CYB5R3: variants seen among roughly 807,000 people sequenced by gnomAD.
The protein encoded by CYB5R3 is cytochrome b5 reductase 3.
In CYB5R3, 28 loss-of-function variants were observed where a neutral mutation model predicts 36.5. The observed-to-expected ratio is 0.77, with a 90% CI of 0.57 to 1.05. The LOEUF is 1.05. Among genes scored for constraint, CYB5R3 ranks in the 50% least tolerant of loss-of-function variants. CYB5R3 has a pLI of 0.00. For missense variants in CYB5R3, 474 were observed against 408.9 expected (o/e 1.16, Z -1.37); for synonymous variants, 181 against 159.8 (o/e 1.13, Z -1.00).
Position 42,618,554 on chromosome 22 carries a change from A to AAC in CYB5R3, c.*1218_*1219insGT, listed in dbSNP as rs1927759952. The AAC allele has an allele frequency of 6.7e-6, 1 of 149,840 alleles. No individual in the cohort carries two copies. Among genetic ancestry groups the AAC allele is most frequent in the African/African-American group, 2.5e-5 (1 of 40,650 alleles). The allele number at this position is 149,840 out of a possible 1,614,324, so 9.3% of individuals were successfully genotyped here. ...TCCGTCTCAAAAAAAAAAAAAAAAAAATACAAAAACTAGCTGGGTGTGGTG... is the reference window on the plus strand; with the variant it reads ...TCCGTCTCAAAAAAAAAAAAAAAAAAACATACAAAAACTAGCTGGGTGTGGTG... On this transcript the variant is annotated 3_prime_UTR_variant, in exon 9 of 9. Coordinates refer to ENST00000352397, the MANE Select transcript of CYB5R3 (RefSeq NM_000398.7).
chr22:42,633,813 G>C (rs1411977321), intron 2 of CYB5R3, among the ~76,000 whole-genome samples: 1 of 152,020 alleles, frequency 6.6e-6, no homozygotes, highest in African/African-American at 2.4e-5. Context: ...GACAGTAACA[G>C]AGCCAGGCAT....
chr22:42,640,981 C>T (rs1277713027), intron 1 of CYB5R3, among the ~76,000 whole-genome samples: 3 of 151,960 alleles, frequency 2.0e-5, no homozygotes, highest in African/African-American at 4.8e-5. Context: ...CTCAGCCTCC[C>T]GAGTAGCTGG....
intron 1 of CYB5R3, among the ~76,000 whole-genome samples, chr22:42,641,368 G>C (rs542230222): frequency 6.7e-6 from 1 of 150,092 alleles, no homozygotes. Flanking sequence ...ATGCAGTGGC[G>C]CGATCTTGTC....
At chr22:42,628,780 C>T (rs922831762) in intron 4 of CYB5R3, among the ~76,000 whole-genome samples, 5 of 152,142 alleles carry the variant, frequency 3.3e-5, no homozygotes, top group Non-Finnish European at 4.4e-5. Flanking sequence ...GGCCTCAATC[C>T]GACACCTACA....
chr22:42,628,865 T>C (rs11704825), intron 4 of CYB5R3, among the ~76,000 whole-genome samples: 2,624 of 152,008 alleles, frequency 0.017, 38 homozygotes, highest in South Asian at 0.027. Flanking sequence ...GGAAGGTGGC[T>C]GGGGGAGGGA....
In CYB5R3 at chr22:42,627,250, G is replaced by A. The variant is rs558753621; in HGVS notation, c.633+54C>T. On this transcript the variant is annotated intron_variant, in intron 7 of 8. Coordinates refer to ENST00000352397, the MANE Select transcript of CYB5R3 (RefSeq NM_000398.7). ...CCTGGAACAGCACCTGACCAGGCCC[G>A]AAGTCCCCTCTCAGGGTAAGCTGAG... 54 of 1,487,224 alleles carry A rather than the reference G, an allele frequency of 3.6e-5. No individual in the cohort carries two copies. In the East Asian group the frequency reaches 5.3e-4, roughly 15 times the overall value. 92.1% of individuals were successfully genotyped at this position (1,487,224 alleles called of 1,614,324 possible). A position where few individuals can be genotyped will look rare whatever the true frequency, so the allele number is the denominator to read the frequency against.
chr22:42,631,384 G>C lies in CYB5R3; in HGVS notation c.220C>G (p.Pro74Ala). 3 of 1,551,554 alleles carry C rather than the reference G, an allele frequency of 1.9e-6. No individual in the cohort carries two copies. The highest frequency in any genetic ancestry group is 3.9e-5 in the Admixed American group (2 of 50,994). The change falls in exon 3 of 9, where the codon CCT (proline) becomes GCT (alanine). Residue 74 changes from proline to alanine, a missense_variant. Physicochemically the swap from Pro to Ala is conservative, Grantham distance 27 (BLOSUM62 -1). Coordinates refer to ENST00000352397, the MANE Select transcript of CYB5R3 (RefSeq NM_000398.7). The stretch of plus-strand genomic sequence containing the variant: ...CAGCAGGGGCGTGACTCACCGACAG[G>C]GAGGCCCAGGATGTGCTGGGGTGAC... ...LPSPQHILGL[P>A]VGQHIYLSAR...
intron 1 of CYB5R3, among the ~76,000 whole-genome samples, chr22:42,638,252 C>G (rs968912631): frequency 6.6e-6 from 1 of 151,530 alleles, no homozygotes; most frequent in Non-Finnish European, 1.5e-5. Context: ...AAAAATTAGC[C>G]GGGCGTGGTG....
At chr22:42,641,567 C>T (rs1929274890) in intron 1 of CYB5R3, among the ~76,000 whole-genome samples, 1 of 152,104 alleles carries the variant, frequency 6.6e-6, no homozygotes, top group African/African-American at 2.4e-5. Context: ...CTCACAGCAA[C>T]CTCCACCTCC....
At chr22:42,629,150 T>A (rs1335187344) in intron 4 of CYB5R3, among the ~76,000 whole-genome samples, 1 of 152,122 alleles carries the variant, frequency 6.6e-6, no homozygotes, top group Non-Finnish European at 1.5e-5. Context: ...CCAGAGAGAC[T>A]TCAACGTGAA....
chr22:42,637,534 A>C (rs998498745), intron 1 of CYB5R3, among the ~76,000 whole-genome samples: 1 of 152,130 alleles, frequency 6.6e-6, no homozygotes, highest in Non-Finnish European at 1.5e-5. Context: ...GGGGAAGCGA[A>C]GCACTGAGCC....
intron 8 of CYB5R3, among the ~76,000 whole-genome samples, chr22:42,620,437 G>A (rs1045057253): frequency 6.6e-5 from 10 of 152,070 alleles, no homozygotes; most frequent in African/African-American, 2.2e-4. Context: ...CCACCTCCAT[G>A]AGCCCACTGT....
intron 2 of CYB5R3, among the ~76,000 whole-genome samples, chr22:42,634,620 T>TATTGATTG (rs202176575): frequency 1.5e-4 from 22 of 143,806 alleles, no homozygotes; most frequent in South Asian, 4.6e-4. Context: ...CTAATTTTCA[T>TATTGATTG]ATTGATTGAT....
chr22:42,630,777 G>A (rs766799798), intron 4 of CYB5R3, 105 bp downstream of exon 4: 5 of 986,966 alleles, frequency 5.1e-6, no homozygotes, highest in Non-Finnish European at 7.9e-6. Context: ...AGGCTGGGCT[G>A]CACAGGGCAG....
intron 5 of CYB5R3, 97 bp from the exon 6 acceptor site, chr22:42,627,785 G>A: frequency 2.2e-6 from 2 of 909,210 alleles, no homozygotes; most frequent in African/African-American, 1.6e-5. Flanking sequence ...CCCCCACTGT[G>A]AGGTCCGAGG....
At chr22:42,647,293 A>G (rs1019580692) in intron 1 of CYB5R3, among the ~76,000 whole-genome samples, 2 of 152,174 alleles carry the variant, frequency 1.3e-5, no homozygotes, top group Non-Finnish European at 2.9e-5. Context: ...TGCCCCTTAC[A>G]GAGGACTGCT....
chr22:42,619,393 C>A lies in CYB5R3; in HGVS notation c.*380G>T. ...CTGGCACCTGCAGCTTTGGGCTGCC[C>A]ATGTGTGTCTGCTGACATCCCGACT... On this transcript the variant is annotated 3_prime_UTR_variant, in exon 9 of 9. Coordinates refer to ENST00000352397, the MANE Select transcript of CYB5R3 (RefSeq NM_000398.7). The A allele has an allele frequency of 8.1e-6, 2 of 246,290 alleles. No individual in the cohort carries two copies. Among genetic ancestry groups the A allele is most frequent in the Non-Finnish European group, 8.1e-6 (1 of 123,968 alleles). The allele number at this position is 246,290 out of a possible 1,614,324, so 15.3% of individuals were successfully genotyped here.
chr22:42,623,935 G>A, intron 7 of CYB5R3, 47 bp from the exon 8 acceptor site: 1 of 1,527,778 alleles, frequency 6.5e-7, no homozygotes, highest in Non-Finnish European at 9.1e-7. Flanking sequence ...GTGGCAGACT[G>A]CCCCTGGAGA....
chr22:42,621,917 G>GT (rs1277790326), intron 8 of CYB5R3, among the ~76,000 whole-genome samples: 8 of 152,224 alleles, frequency 5.3e-5, no homozygotes, highest in African/African-American at 1.9e-4. Context: ...TGACACATGG[G>GT]TACAGGATAA....
Sources: gnomAD v4.1 joint callset for allele counts (sites outside exome capture counted in the v4.1 genomes callset) on GRCh38, gnomAD v4.1.1 for gene constraint, MANE v1.5 for transcripts, NCBI Gene and HGNC (gene_info 2026-07-23, HGNC 2026-07-21) for gene names.